HSBP1: variants seen among roughly 807,000 people sequenced by gnomAD.
The protein encoded by HSBP1 is heat shock factor binding protein 1, also known as heat shock factor-binding protein 1.
Under a neutral mutation model 9.6 loss-of-function variants are expected in HSBP1, and 5 were observed. That is an observed-to-expected ratio of 0.52 (90% CI 0.27 to 1.09). The LOEUF (loss-of-function observed/expected upper bound fraction) is 1.09. Ranked by LOEUF, HSBP1 falls within the 50% of genes least tolerant of loss-of-function variation. HSBP1 has a pLI of 0.11. For missense variants in HSBP1, 121 were observed against 96.3 expected, an observed-to-expected ratio of 1.26 and a Z score of -1.07; for synonymous variants, 42 against 33.3, an observed-to-expected ratio of 1.26 and a Z score of -0.90.
intron 1 of HSBP1, 95 bp downstream of exon 1, chr16:83,808,216 G>T (rs964475170): frequency 5.0e-5 from 55 of 1,089,782 alleles, no homozygotes; most frequent in Non-Finnish European, 6.3e-5. Flanking sequence ...GCGGCCGCGC[G>T]TGGCGTCTGC....
chr16:83,810,301 T>C lies in HSBP1; in HGVS notation c.*2+876T>C, dbSNP rs1423614932. On this transcript the variant is annotated intron_variant, in intron 3 of 3. Coordinates refer to ENST00000433866, the MANE Select transcript of HSBP1 (RefSeq NM_001537.4). The stretch of plus-strand genomic sequence containing the variant: ...GGAAAGCCTAGTAATTCAAAGTACC[T>C]ACACAGCAAGATAGGTAAATGTACA... 2.6e-5 allele frequency among the ~76,000 whole-genome samples: 4 copies of C among 152,108 alleles called. No individual in the cohort carries two copies. The East Asian group carries it at 5.8e-4, about 22-fold the overall frequency.
chr16:83,810,521 CAAAA>C (rs751338141), intron 3 of HSBP1, among the ~76,000 whole-genome samples: 1 of 51,608 alleles, frequency 1.9e-5, no homozygotes, highest in Non-Finnish European at 3.2e-5. Context: ...GACTCTGTCT[CAAAA>C]AAAAAAAAAA....
chr16:83,809,146 C>T (rs1026025273), intron 2 of HSBP1, 159 bp from the exon 3 acceptor site: 3 of 584,718 alleles, frequency 5.1e-6, no homozygotes, highest in Non-Finnish European at 9.1e-6. Context: ...TAGCCATGCC[C>T]CACAGTCCTG....
chr16:83,808,246 G>A, intron 1 of HSBP1, 125 bp downstream of exon 1: 1 of 829,348 alleles, frequency 1.2e-6, no homozygotes, highest in South Asian at 1.7e-5. Context: ...GTTTCTGGAA[G>A]CGTCTCTGGC....
rs200124062 is a variant in HSBP1 at position 83,808,763 on chromosome 16, C to T, written c.112+17C>T. ...TTGGGAGAAATATCCTTTTTATCTG[C>T]AGTCGGCCTCCTGTGGGCCTTTGGA... On this transcript the variant is annotated intron_variant, in intron 2 of 3. Transcript: ENST00000433866. 749 of 1,596,340 alleles carry T rather than the reference C, an allele frequency of 4.7e-4. 6 individuals carry two copies. Among genetic ancestry groups the T allele is most frequent in the Non-Finnish European group, 7.7e-5 (90 of 1,167,138 alleles).
chr16:83,811,412 C>G lies in HSBP1; in HGVS notation c.*3-9C>G, dbSNP rs574463469. On this transcript the variant is annotated splice_polypyrimidine_tract_variant and intron_variant, in intron 3 of 3. Coordinates refer to ENST00000433866, the MANE Select transcript of HSBP1 (RefSeq NM_001537.4). ...AAAAACATGTTGATGATTTTTCCTT[C>G]TTCAACAGGTTGCTAATAATTTATA... 6.6e-6 allele frequency: 1 copy of G among 152,228 alleles called. No individual in the cohort carries two copies. The highest frequency in any genetic ancestry group is 1.5e-5 in the Non-Finnish European group (1 of 68,040). 9.4% of individuals were successfully genotyped at this position (152,228 alleles called of 1,614,324 possible).
At position 83,817,916 on chromosome 16, in the gene HSBP1, A is replaced by G. The variant is rs1416493369; in HGVS notation, c.*6498A>G. The stretch of plus-strand genomic sequence containing the variant: ...TAAGTCCAGGAAATGCTGCAAAACA[A>G]TGCCCTCAAAAGAAATCAGCCTTTC... On this transcript the variant is annotated 3_prime_UTR_variant, in exon 4 of 4. Coordinates refer to ENST00000433866, the MANE Select transcript of HSBP1 (RefSeq NM_001537.4). The G allele has an allele frequency of 7.2e-5, 11 of 152,202 alleles. No individual in the cohort carries two copies. The highest frequency in any genetic ancestry group is 6.5e-4 in the Admixed American group (10 of 15,280). 9.4% of individuals were successfully genotyped at this position (152,202 alleles called of 1,614,324 possible).
At position 83,813,440 on chromosome 16, in the gene HSBP1, T is replaced by A. The variant is rs1904647176; in HGVS notation, c.*2022T>A. Reference sequence around the variant, plus strand: ...TCATAGCTCACTTGGAGCCTGAAGCTCCTGGGCTCAGGCAGTCCTCCTGCC... The same window carrying A: ...TCATAGCTCACTTGGAGCCTGAAGCACCTGGGCTCAGGCAGTCCTCCTGCC... On this transcript the variant is annotated 3_prime_UTR_variant, in exon 4 of 4. Transcript: ENST00000433866. 6.6e-6 allele frequency: 1 copy of A among 152,342 alleles called. No individual in the cohort carries two copies. Among genetic ancestry groups the A allele is most frequent in the Non-Finnish European group, 1.5e-5 (1 of 68,244 alleles). The allele number at this position is 152,342 out of a possible 1,614,324, so 9.4% of individuals were successfully genotyped here. A position where few individuals can be genotyped will look rare whatever the true frequency, so the allele number is the denominator to read the frequency against.
Position 83,815,905 on chromosome 16 carries a change from C to T in HSBP1, c.*4487C>T, listed in dbSNP as rs2151032095. On this transcript the variant is annotated 3_prime_UTR_variant, in exon 4 of 4. Transcript: ENST00000433866. ...TAGTCACGTTGGTCTTGCAAAATGT[C>T]CACCTTCCAAAAGAGAACAGTATTG... 6.6e-6 allele frequency: 1 copy of T among 152,232 alleles called. No individual in the cohort carries two copies. Among genetic ancestry groups the T allele is most frequent in the Admixed American group, 6.5e-5 (1 of 15,302 alleles). The allele number at this position is 152,232 out of a possible 1,614,324, so 9.4% of individuals were successfully genotyped here.
At chr16:83,810,552 G>C (rs567446592) in intron 3 of HSBP1, among the ~76,000 whole-genome samples, 7 of 128,158 alleles carry the variant, frequency 5.5e-5, no homozygotes, top group Non-Finnish European at 9.7e-5. Flanking sequence ...AAAGGTACTG[G>C]TGCGTGGTGA....
At position 83,813,545 on chromosome 16, in the gene HSBP1, C is replaced by G. The variant is rs1262459871; in HGVS notation, c.*2127C>G. ...CTGTGTTGCCCAGGCTGGTCTAGAA[C>G]TCCTAGGCTCAAGCAGTCCTGTCTC... On this transcript the variant is annotated 3_prime_UTR_variant, in exon 4 of 4. Coordinates refer to ENST00000433866, the MANE Select transcript of HSBP1 (RefSeq NM_001537.4). 4 of 152,630 alleles carry G rather than the reference C, an allele frequency of 2.6e-5. No individual in the cohort carries two copies. The highest frequency in any genetic ancestry group is 2.6e-4 in the Admixed American group (4 of 15,278). The allele number at this position is 152,630 out of a possible 1,614,324, so 9.5% of individuals were successfully genotyped here.
chr16:83,808,757 T>C lies in HSBP1; in HGVS notation c.112+11T>C. On this transcript the variant is annotated intron_variant, in intron 2 of 3. Transcript: ENST00000433866. ...AGATCATTGGGAGAAATATCCTTTT[T>C]ATCTGCAGTCGGCCTCCTGTGGGCC... 1 of 1,603,516 alleles carries C rather than the reference T, an allele frequency of 6.2e-7. No homozygotes were observed.
At chr16:83,808,645 T>G (rs748711365) in intron 1 of HSBP1, 35 bp from the exon 2 acceptor site, 2 of 1,571,242 alleles carry the variant, frequency 1.3e-6, no homozygotes, top group South Asian at 2.3e-5. Context: ...TCAGGATCGA[T>G]GTGGACCGTG....
rs1395187407 is a variant in HSBP1, at chr16:83,815,695, G to T, written c.*4277G>T. 1 of 152,242 alleles carries T rather than the reference G, an allele frequency of 6.6e-6. No homozygotes were observed. The highest frequency in any genetic ancestry group is 1.9e-4 in the East Asian group (1 of 5,174). The allele number at this position is 152,242 out of a possible 1,614,324, so 9.4% of individuals were successfully genotyped here. A position where few individuals can be genotyped will look rare whatever the true frequency, so the allele number is the denominator to read the frequency against. ...GTAATATGTGGCTGTCTCATCAACA[G>T]AGCTTCATTTTACCAAAGCATATGT... On this transcript the variant is annotated 3_prime_UTR_variant, in exon 4 of 4. Coordinates refer to ENST00000433866, the MANE Select transcript of HSBP1 (RefSeq NM_001537.4).
At chr16:83,808,499 G>T in intron 1 of HSBP1, 181 bp from the exon 2 acceptor site, 1 of 593,814 alleles carries the variant, frequency 1.7e-6, no homozygotes, top group South Asian at 2.1e-5. Flanking sequence ...CCCCAGCCCA[G>T]CAGTCTAATT....
chr16:83,808,204 C>T (rs1308877423), intron 1 of HSBP1, 83 bp downstream of exon 1: 25 of 1,202,372 alleles, frequency 2.1e-5, no homozygotes, highest in African/African-American at 3.3e-5. Flanking sequence ...GGCGCGCCCA[C>T]CGCGGCCGCG....
rs1904782115 is a variant in HSBP1, at chr16:83,819,046, C to T, written c.*7628C>T. ...GCAGCCTGGGTTTTAACACATCCTC[C>T]AGGCGATTCTGAGAGTGAGAGAGCC... On this transcript the variant is annotated 3_prime_UTR_variant, in exon 4 of 4. Transcript: ENST00000433866. The T allele has an allele frequency of 6.6e-6, 1 of 152,102 alleles. No individual in the cohort carries two copies. Among genetic ancestry groups the T allele is most frequent in the Non-Finnish European group, 1.5e-5 (1 of 68,046 alleles). 9.4% of individuals were successfully genotyped at this position (152,102 alleles called of 1,614,324 possible). A position where few individuals can be genotyped will look rare whatever the true frequency, so the allele number is the denominator to read the frequency against.
intron 3 of HSBP1, among the ~76,000 whole-genome samples, chr16:83,810,224 C>G (rs1007806272): frequency 6.6e-6 from 1 of 151,728 alleles, no homozygotes; most frequent in Admixed American, 6.6e-5. Context: ...CCACATTAAG[C>G]TTTTACCCTG....
chr16:83,811,198 C>A (rs76536360), intron 3 of HSBP1, among the ~76,000 whole-genome samples: 3,108 of 152,250 alleles, frequency 0.02, 96 homozygotes, highest in African/African-American at 0.072. Flanking sequence ...GGTAGACTGG[C>A]TAGTGATGGG....
Sources: allele counts gnomAD v4.1 joint callset (sites outside exome capture counted in the v4.1 genomes callset), GRCh38; gene constraint gnomAD v4.1.1; transcripts MANE v1.5; gene names NCBI Gene and HGNC (gene_info 2026-07-23, HGNC 2026-07-21).